NECAB2: variants seen among roughly 807,000 people sequenced by gnomAD.
The protein encoded by NECAB2 is N-terminal EF-hand calcium binding protein 2.
A neutral mutation model predicts 51.9 loss-of-function variants in NECAB2; 68 were observed. That is an observed-to-expected ratio of 1.31 (90% CI 1.08 to 1.60). The LOEUF (loss-of-function observed/expected upper bound fraction) is 1.60. Among genes scored for constraint, NECAB2 ranks in the 40% most tolerant of loss-of-function variants. NECAB2 has a pLI of 0.00. For missense variants in NECAB2, 854 were observed against 490.3 expected, an observed-to-expected ratio of 1.74 and a Z score of -7.00; for synonymous variants, 329 against 203.5, an observed-to-expected ratio of 1.62 and a Z score of -5.25.
At chr16:83,982,370 C>G (rs1293211844) in intron 5 of NECAB2, among the ~76,000 whole-genome samples, 1 of 152,172 alleles carries the variant, frequency 6.6e-6, no homozygotes, top group East Asian at 1.9e-4. Flanking sequence ...CCATGTAAGA[C>G]CTGCTCCCTT....
chr16:83,987,782 A>G (rs1392120197), intron 5 of NECAB2, among the ~76,000 whole-genome samples: 1 of 152,144 alleles, frequency 6.6e-6, no homozygotes, highest in Non-Finnish European at 1.5e-5. Flanking sequence ...ATTTTGCACT[A>G]TTTCTTGAGG....
Position 83,979,292 on chromosome 16 carries a change from C to T in NECAB2, c.335+740C>T, listed in dbSNP as rs534970511. 5.6e-4 allele frequency among the ~76,000 whole-genome samples: 85 copies of T among 152,296 alleles called. 1 individual carries two copies. Among genetic ancestry groups the T allele is most frequent in the African/African-American group, 2.0e-3 (83 of 41,560 alleles). ...CCTACTCGCGTGATGAGGACCCAAG[C>T]TTCTGGAGGGCTGCTTAGGGCACAT... On this transcript the variant is annotated intron_variant, in intron 3 of 12. Transcript: ENST00000305202.
intron 10 of NECAB2, among the ~76,000 whole-genome samples, chr16:83,999,801 G>GT (rs2084785235): frequency 6.6e-6 from 1 of 152,192 alleles, no homozygotes; most frequent in South Asian, 2.1e-4. Flanking sequence ...GTACAGTGCA[G>GT]TGGGGGTGTT....
rs115933582 is a variant in NECAB2 at position 83,987,014 on chromosome 16, C to A, written c.460-3480C>A. Among the ~76,000 whole-genome samples, 511 of 152,214 alleles carry A rather than the reference C, an allele frequency of 3.4e-3. 2 individuals are homozygous for A. The highest frequency in any genetic ancestry group is 0.011 in the African/African-American group (460 of 41,520). On this transcript the variant is annotated intron_variant, in intron 5 of 12. Coordinates refer to ENST00000305202, the MANE Select transcript of NECAB2 (RefSeq NM_019065.3). ...CCCATGTAACAAACAGGCATAAGTA[C>A]CCTCTGAATCTGAAATAAAAATAAT...
At position 83,990,622 on chromosome 16, in the gene NECAB2, C is replaced by G. The variant is rs780148896; in HGVS notation, c.588C>G (p.Ser196Arg). ...SAVEAIEEQT[S>R]QLRQNHIKPS... Reference sequence around the variant, plus strand: ...TGGAGGCCATCGAGGAACAGACCAGCCAGCTCCGGTGAGTCTCTGAGACCC... The same window carrying G: ...TGGAGGCCATCGAGGAACAGACCAGGCAGCTCCGGTGAGTCTCTGAGACCC... The change falls in exon 6 of 13, where the codon AGC (serine) becomes AGG (arginine). Residue 196 changes from serine to arginine, a missense_variant. Coordinates refer to ENST00000305202, the MANE Select transcript of NECAB2 (RefSeq NM_019065.3). The G allele has an allele frequency of 6.2e-7, 1 of 1,613,938 alleles. No individual in the cohort carries two copies. The highest frequency in any genetic ancestry group is 8.5e-7 in the Non-Finnish European group (1 of 1,180,024).
chr16:83,997,629 A>T (rs984147662), intron 9 of NECAB2, among the ~76,000 whole-genome samples: 1 of 151,784 alleles, frequency 6.6e-6, no homozygotes, highest in African/African-American at 2.4e-5. Context: ...CTGGGATTAC[A>T]GGTGTGTGCC....
In NECAB2 at chr16:84,001,858, G is replaced by A. The variant is rs143185483; in HGVS notation, c.1074G>A (p.Arg358=). 12 of 1,613,994 alleles carry A rather than the reference G, an allele frequency of 7.4e-6. No homozygotes were observed. Among genetic ancestry groups the A allele is most frequent in the African/African-American group, 6.7e-5 (5 of 74,928 alleles). The change falls in exon 12 of 13, where the codon CGG becomes CGA. Residue 358 remains arginine (R), a synonymous_variant. Coordinates refer to ENST00000305202, the MANE Select transcript of NECAB2 (RefSeq NM_019065.3). ...AGAGCCCCCTGTGTAAGGCGTTCCGGCACGTCAAGGTGGACACACTGAGCC... is the reference window on the plus strand; with the variant it reads ...AGAGCCCCCTGTGTAAGGCGTTCCGACACGTCAAGGTGGACACACTGAGCC... ...HLQSPLCKAF[R]HVKVDTLSQP...
rs546483257 is a variant in NECAB2, at chr16:83,981,570, A to G, written c.459+443A>G. On this transcript the variant is annotated intron_variant, in intron 5 of 12. Transcript: ENST00000305202. ...CTGGTTTAATCCTCACAGCAACCCT[A>G]TGGGTGGTTGCTGTCACCTCCACTA... is the stretch of plus-strand genomic sequence containing the variant. Among the ~76,000 whole-genome samples, 64 of 152,184 alleles carry G rather than the reference A, an allele frequency of 4.2e-4. 1 individual carries two copies. Among genetic ancestry groups the G allele is most frequent in the South Asian group, 1.9e-3 (9 of 4,820 alleles).
In NECAB2 at chr16:83,972,311, C is replaced by G. The variant is rs74032342; in HGVS notation, c.226+136C>G. 2.8e-3 allele frequency: 3,520 copies of G among 1,236,316 alleles called. 68 individuals carry two copies. In the African/African-American group the frequency reaches 0.048, roughly 17 times the overall value. 76.6% of individuals were successfully genotyped at this position (1,236,316 alleles called of 1,614,324 possible). ...GTGCAGGGGTCTGAAGTTAGAAGGC[C>G]AAATCCTGCTGCTGCTCTGTGCCTT... On this transcript the variant is annotated intron_variant, in intron 2 of 12. Transcript: ENST00000305202.
intron 5 of NECAB2, among the ~76,000 whole-genome samples, chr16:83,982,932 A>G (rs971438542): frequency 6.0e-5 from 9 of 151,134 alleles, no homozygotes; most frequent in Admixed American, 2.0e-4. Context: ...GCAGTGATAC[A>G]ATGTCGCCTC....
intron 6 of NECAB2, among the ~76,000 whole-genome samples, chr16:83,992,583 C>T (rs1327158120): frequency 6.6e-6 from 1 of 152,132 alleles, no homozygotes; most frequent in Admixed American, 6.5e-5. Context: ...TATTGGTTTG[C>T]TGGGGGACTG....
At chr16:83,997,349 C>A (rs1031516691) in intron 9 of NECAB2, 80 bp downstream of exon 9, 8 of 1,567,576 alleles carry the variant, frequency 5.1e-6, no homozygotes, top group Non-Finnish European at 6.1e-6. Flanking sequence ...GGCTCAATGC[C>A]CCTGACCCCG....
rs1043077031 is a variant in NECAB2 at position 83,990,504 on chromosome 16, G to T, written c.470G>T (p.Gly157Val). Reference sequence around the variant, plus strand: ...CTCTTCCTTCCACAGGTATATGAGGGTGGGAGCAACGTGGACCAGTTTGTG... The same window carrying T: ...CTCTTCCTTCCACAGGTATATGAGGTTGGGAGCAACGTGGACCAGTTTGTG... ...AMGYTKKVYE[G>V]GSNVDQFVTR... Residue 157 changes from glycine to valine, a missense_variant, in exon 6 of 13, where the codon GGT (glycine) becomes GTT (valine). Transcript: ENST00000305202. 1.2e-6 allele frequency: 2 copies of T among 1,614,078 alleles called. No individual in the cohort carries two copies. The highest frequency in any genetic ancestry group is 2.2e-5 in the South Asian group (2 of 91,086).
intron 1 of NECAB2, among the ~76,000 whole-genome samples, chr16:83,969,890 C>G (rs1372988882): frequency 6.6e-6 from 1 of 152,044 alleles, no homozygotes; most frequent in Non-Finnish European, 1.5e-5. Context: ...CTCCCTTCCT[C>G]TCTCCTCTTC....
intron 5 of NECAB2, among the ~76,000 whole-genome samples, chr16:83,987,659 A>C (rs1040278074): frequency 2.6e-5 from 4 of 152,212 alleles, no homozygotes; most frequent in African/African-American, 9.7e-5. Flanking sequence ...ATCATTTAAA[A>C]TATTTTAGTG....
intron 8 of NECAB2, among the ~76,000 whole-genome samples, chr16:83,995,235 A>G (rs776321640): frequency 2.0e-5 from 3 of 152,220 alleles, no homozygotes; most frequent in Admixed American, 6.5e-5. Context: ...AGTGCTCACA[A>G]TATGACCATT....
intron 3 of NECAB2, among the ~76,000 whole-genome samples, chr16:83,979,629 A>G (rs995688629): frequency 1.3e-5 from 2 of 151,436 alleles, no homozygotes; most frequent in Non-Finnish European, 2.9e-5. Context: ...GCAGGTGCCC[A>G]TTGATTTAGA....
chr16:83,997,588 A>G (rs1431776076), intron 9 of NECAB2, among the ~76,000 whole-genome samples: 1 of 144,366 alleles, frequency 6.9e-6, no homozygotes, highest in African/African-American at 2.6e-5. Flanking sequence ...CCTGGGTTCA[A>G]GCAATTCTCC....
chr16:83,999,968 C>T (rs894555327), intron 10 of NECAB2, among the ~76,000 whole-genome samples: 11 of 152,124 alleles, frequency 7.2e-5, no homozygotes, highest in African/African-American at 2.7e-4. Flanking sequence ...CTCACTGCAA[C>T]CTCTCACCAG....
Sources: allele counts gnomAD v4.1 joint callset (sites outside exome capture counted in the v4.1 genomes callset), GRCh38; gene constraint gnomAD v4.1.1; transcripts MANE v1.5; gene names NCBI Gene and HGNC (gene_info 2026-07-23, HGNC 2026-07-21).